Variants in MATCAP2 observed in about 807,000 individuals in gnomAD.
MATCAP2 encodes the protein microtubule associated tyrosine carboxypeptidase 2, also known as putative tyrosine carboxypeptidase MATCAP2.
chr7:36,366,778 G>A, the MATCAP2 span: 1 of 1,534,678 alleles, frequency 6.5e-7, no homozygotes, highest in Non-Finnish European at 8.7e-7. Context: ...CGCCTCCTGC[G>A]CGCCCCGAAG....
chr7:36,375,737 A>G, the MATCAP2 span, among the ~76,000 whole-genome samples: 5 of 152,134 alleles, frequency 3.3e-5, no homozygotes, highest in African/African-American at 1.2e-4. Flanking sequence ...TTTGGTTGGT[A>G]GGCTATTAAT....
the MATCAP2 span, chr7:36,390,326 A>C: frequency 2.0e-6 from 1 of 509,234 alleles, no homozygotes. Flanking sequence ...CGTTTTTACC[A>C]TGTCCCTCTG....
the MATCAP2 span, chr7:36,337,611 C>G: frequency 6.6e-6 from 1 of 152,056 alleles, no homozygotes; most frequent in Non-Finnish European, 1.5e-5. Flanking sequence ...TCTGGCTGTG[C>G]TATCGTGAGC....
the MATCAP2 span, among the ~76,000 whole-genome samples, chr7:36,339,949 T>C: frequency 6.6e-6 from 1 of 152,206 alleles, no homozygotes; most frequent in African/African-American, 2.4e-5. Context: ...GCCCAGGCTG[T>C]TCTCAAATTC....
chr7:36,351,026 T>G, the MATCAP2 span, among the ~76,000 whole-genome samples: 1 of 152,234 alleles, frequency 6.6e-6, no homozygotes, highest in Non-Finnish European at 1.5e-5. Context: ...CTATATAGTT[T>G]ACTAACCAAG....
the MATCAP2 span, among the ~76,000 whole-genome samples, chr7:36,339,185 T>C: frequency 6.6e-6 from 1 of 152,182 alleles, no homozygotes; most frequent in Non-Finnish European, 1.5e-5. Flanking sequence ...ATAACACCAC[T>C]GTAGGTAACA....
the MATCAP2 span, among the ~76,000 whole-genome samples, chr7:36,365,643 G>A: frequency 6.6e-6 from 1 of 152,184 alleles, no homozygotes; most frequent in African/African-American, 2.4e-5. Flanking sequence ...AGATTGCAGT[G>A]AGCAGAGACA....
At chr7:36,345,405 A>C in the MATCAP2 span, among the ~76,000 whole-genome samples, 1 of 152,212 alleles carries the variant, frequency 6.6e-6, no homozygotes, top group Admixed American at 6.5e-5. Context: ...TATAGGCATC[A>C]AAACAAATTG....
At chr7:36,336,003 C>A in the MATCAP2 span, 1 of 419,088 alleles carries the variant, frequency 2.4e-6, no homozygotes. Context: ...ACCCAGGAGG[C>A]GGAGGTTGCA....
the MATCAP2 span, among the ~76,000 whole-genome samples, chr7:36,345,593 G>T: frequency 1.3e-5 from 2 of 152,088 alleles, no homozygotes; most frequent in African/African-American, 4.8e-5. Context: ...ATTAAAATTA[G>T]AACAGTATGT....
chr7:36,387,885 TACACAC>T, the MATCAP2 span, among the ~76,000 whole-genome samples: 1 of 152,120 alleles, frequency 6.6e-6, no homozygotes, highest in African/African-American at 2.4e-5. Context: ...AAAACACGCA[TACACAC>T]ACAGACACGC....
the MATCAP2 span, among the ~76,000 whole-genome samples, chr7:36,330,440 G>A: frequency 1.3e-5 from 2 of 151,780 alleles, no homozygotes; most frequent in African/African-American, 4.8e-5. Context: ...AAAGAATGAG[G>A]CAAGGGGAGA....
At chr7:36,326,822 G>A in the MATCAP2 span, 30 of 1,613,866 alleles carry the variant, frequency 1.9e-5, no homozygotes, top group Non-Finnish European at 2.5e-6. Context: ...TTCTCTAAGT[G>A]TTCCATATAT....
At chr7:36,375,998 G>C in the MATCAP2 span, among the ~76,000 whole-genome samples, 1 of 151,880 alleles carries the variant, frequency 6.6e-6, no homozygotes, top group Non-Finnish European at 1.5e-5. Flanking sequence ...TATTAGTCTT[G>C]CTAGCGGTTT....
the MATCAP2 span, chr7:36,337,708 T>G: frequency 6.6e-6 from 1 of 151,978 alleles, no homozygotes; most frequent in Non-Finnish European, 1.5e-5. Context: ...GGGAAAAGAG[T>G]AGAGCAAGGA....
chr7:36,329,827 GGTCACTAACT>G, the MATCAP2 span, among the ~76,000 whole-genome samples: 1 of 151,978 alleles, frequency 6.6e-6, no homozygotes, highest in Admixed American at 6.6e-5. Flanking sequence ...GAGATCTGGT[GGTCACTAACT>G]TAACCCAGGT....
At chr7:36,388,210 T>C in the MATCAP2 span, among the ~76,000 whole-genome samples, 1 of 152,036 alleles carries the variant, frequency 6.6e-6, no homozygotes, top group Non-Finnish European at 1.5e-5. Flanking sequence ...AAAATCCTGT[T>C]AAATAGTTTA....
chr7:36,384,395 A>G, the MATCAP2 span, among the ~76,000 whole-genome samples: 3 of 152,332 alleles, frequency 2.0e-5, no homozygotes, highest in African/African-American at 7.2e-5. Context: ...ATTTAGGCCA[A>G]TCCCTTAGCC....
At chr7:36,367,199 C>T in the MATCAP2 span, 4 of 1,181,418 alleles carry the variant, frequency 3.4e-6, no homozygotes, top group Middle Eastern at 3.4e-4. Context: ...GCGCTTAGAA[C>T]CTGCCACCGT....
Sources: gnomAD v4.1 joint callset for allele counts (sites outside exome capture counted in the v4.1 genomes callset) on GRCh38, gnomAD v4.1.1 for gene constraint, MANE v1.5 for transcripts, NCBI Gene and HGNC (gene_info 2026-07-23, HGNC 2026-07-21) for gene names.